CNTN5: variants seen among roughly 807,000 people sequenced by gnomAD.
CNTN5 encodes the protein contactin 5, also known as contactin-5.
In CNTN5, 77 loss-of-function variants were observed where a neutral mutation model predicts 129.1. The ratio of observed to expected loss-of-function variants is 0.60; its 90% confidence interval spans 0.50 to 0.72. CNTN5 has a LOEUF of 0.72. Among genes scored for constraint, CNTN5 ranks in the 30% least tolerant of loss-of-function variants. The pLI, the probability that CNTN5 is intolerant of heterozygous loss-of-function variation, is 0.00. For synonymous variants in CNTN5, 509 were observed against 465.6 expected (o/e 1.09, Z -1.20); for missense variants, 1,478 against 1,328.8 (o/e 1.11, Z -1.75).
chr11:99,101,844 C>A (rs115121247), intron 1 of CNTN5, among the ~76,000 whole-genome samples: 2,262 of 152,258 alleles, frequency 0.015, 58 homozygotes, highest in African/African-American at 0.051. Flanking sequence ...AGGACGGTGG[C>A]CCTTTTCTCA....
intron 13 of CNTN5, among the ~76,000 whole-genome samples, chr11:100,185,522 A>G (rs189843813): frequency 7.5e-4 from 114 of 152,234 alleles, no homozygotes; most frequent in African/African-American, 2.7e-3. Context: ...CAAGTACACA[A>G]TACATTAAGG....
intron 1 of CNTN5, among the ~76,000 whole-genome samples, chr11:99,202,269 C>T (rs1859247398): frequency 6.6e-6 from 1 of 152,116 alleles, no homozygotes; most frequent in Admixed American, 6.6e-5. Context: ...TTAACATTTA[C>T]TTAGTGCCTA....
At chr11:99,315,750 C>A (rs1237523157) in intron 1 of CNTN5, among the ~76,000 whole-genome samples, 1 of 148,384 alleles carries the variant, frequency 6.7e-6, no homozygotes, top group Non-Finnish European at 1.5e-5. Context: ...GCGGAGTGGG[C>A]CATGGATATT....
chr11:100,082,144 T>C (rs545366167), intron 13 of CNTN5, among the ~76,000 whole-genome samples: 9 of 152,236 alleles, frequency 5.9e-5, no homozygotes, highest in Admixed American at 2.0e-4. Context: ...TGTGTACAAA[T>C]AAGTTAATAA....
chr11:99,577,794 A>G (rs1317645992), intron 3 of CNTN5, among the ~76,000 whole-genome samples: 1 of 149,584 alleles, frequency 6.7e-6, no homozygotes, highest in Non-Finnish European at 1.5e-5. Flanking sequence ...AGATCTTTAT[A>G]GTGAGGAATT....
At chr11:99,987,312 G>A (rs1229960654) in intron 8 of CNTN5, among the ~76,000 whole-genome samples, 1 of 151,856 alleles carries the variant, frequency 6.6e-6, no homozygotes, top group Non-Finnish European at 1.5e-5. Flanking sequence ...GAACAAATGG[G>A]TAGAAATGCC....
chr11:99,667,001 A>G (rs560533438), intron 3 of CNTN5, among the ~76,000 whole-genome samples: 203 of 152,076 alleles, frequency 1.3e-3, no homozygotes, highest in Non-Finnish European at 2.2e-3. Flanking sequence ...TAGAATTATA[A>G]TGCTTTAATA....
At chr11:99,402,451 G>A (rs139678514) in intron 2 of CNTN5, among the ~76,000 whole-genome samples, 2 of 152,214 alleles carry the variant, frequency 1.3e-5, no homozygotes, top group East Asian at 3.9e-4. Context: ...TATCTTTAAT[G>A]TATTGTTGAA....
intron 6 of CNTN5, among the ~76,000 whole-genome samples, chr11:99,883,895 C>T (rs912876225): frequency 2.4e-4 from 37 of 152,286 alleles, no homozygotes; most frequent in African/African-American, 7.5e-4. Flanking sequence ...TTAGAAGCCA[C>T]GTCTTCTGCA....
At chr11:99,199,587 T>G (rs1451098058) in intron 1 of CNTN5, among the ~76,000 whole-genome samples, 1 of 152,132 alleles carries the variant, frequency 6.6e-6, no homozygotes, top group Non-Finnish European at 1.5e-5. Flanking sequence ...CAGCTCTGCT[T>G]CACACAGTCT....
chr11:99,761,529 T>C (rs1944582182), intron 3 of CNTN5, among the ~76,000 whole-genome samples: 3 of 151,622 alleles, frequency 2.0e-5, no homozygotes, highest in Admixed American at 2.0e-4. Context: ...GGTTTTTTGT[T>C]CTTGCGATAG....
At chr11:99,622,921 G>A (rs1249277599) in intron 3 of CNTN5, among the ~76,000 whole-genome samples, 3 of 151,736 alleles carry the variant, frequency 2.0e-5, no homozygotes, top group African/African-American at 7.3e-5. Context: ...AACATTACTG[G>A]GACCCTACAC....
chr11:99,426,914 C>G (rs932390252), intron 2 of CNTN5, among the ~76,000 whole-genome samples: 1 of 152,082 alleles, frequency 6.6e-6, no homozygotes, highest in Non-Finnish European at 1.5e-5. Flanking sequence ...ACTCTAAAAG[C>G]AATACAGAAA....
intron 3 of CNTN5, among the ~76,000 whole-genome samples, chr11:99,749,861 A>T (rs1944174071): frequency 6.6e-6 from 1 of 152,236 alleles, no homozygotes; most frequent in Non-Finnish European, 1.5e-5. Flanking sequence ...AAGTGTAGCC[A>T]CATAACTATG....
chr11:99,413,413 G>T (rs1224427772), intron 2 of CNTN5, among the ~76,000 whole-genome samples: 2 of 152,142 alleles, frequency 1.3e-5, no homozygotes, highest in Non-Finnish European at 2.9e-5. Flanking sequence ...GAGGTCAGGG[G>T]TTTGAGACCA....
At chr11:99,135,657 C>A (rs1206748026) in intron 1 of CNTN5, among the ~76,000 whole-genome samples, 1 of 152,044 alleles carries the variant, frequency 6.6e-6, no homozygotes, top group Non-Finnish European at 1.5e-5. Flanking sequence ...TCCCAACATA[C>A]AATTTCATGT....
intron 1 of CNTN5, among the ~76,000 whole-genome samples, chr11:99,279,768 C>G (rs1863606070): frequency 6.6e-6 from 1 of 151,616 alleles, no homozygotes. Context: ...TTTCTTCAAT[C>G]TCCACGATAA....
chr11:99,566,025 G>A (rs779045980), intron 3 of CNTN5, among the ~76,000 whole-genome samples: 1 of 152,136 alleles, frequency 6.6e-6, no homozygotes, highest in Admixed American at 6.5e-5. Context: ...TGGCTTGCTA[G>A]CATGCTGAAA....
At chr11:100,322,904 A>T (rs1486270435) in intron 21 of CNTN5, among the ~76,000 whole-genome samples, 2 of 152,230 alleles carry the variant, frequency 1.3e-5, no homozygotes, top group Non-Finnish European at 2.9e-5. Context: ...CTATAAACTT[A>T]GCACTTACCT....
Sources: gnomAD v4.1 joint callset for allele counts (sites outside exome capture counted in the v4.1 genomes callset) on GRCh38, gnomAD v4.1.1 for gene constraint, MANE v1.5 for transcripts, NCBI Gene and HGNC (gene_info 2026-07-23, HGNC 2026-07-21) for gene names.